Variants in PPFIA2 observed in about 807,000 individuals in gnomAD.
PPFIA2 encodes liprin-alpha-2.
In PPFIA2, 46 loss-of-function variants were observed where a neutral mutation model predicts 175.5. The observed-to-expected ratio is 0.26, with a 90% confidence interval of 0.21 to 0.34. The LOEUF is 0.34. Ranked by LOEUF, PPFIA2 falls within the 10% of genes least tolerant of loss-of-function variation. The pLI is 1.00. For synonymous variants in PPFIA2, 568 were observed against 511.4 expected, an observed-to-expected ratio of 1.11 and a Z score of -1.49; for missense variants, 1,179 against 1,506.1, an observed-to-expected ratio of 0.78 and a Z score of 3.60.
rs556193581 is a variant in PPFIA2 at position 81,446,635 on chromosome 12, G to A, written c.406-915C>T. Among the ~76,000 whole-genome samples, 10 of 152,280 alleles carry A rather than the reference G, an allele frequency of 6.6e-5. No individual in the cohort carries two copies. The East Asian group carries it at 1.9e-3, about 29-fold the overall frequency. Reference sequence around the variant, plus strand: ...AAGGTCTTCGGAAGCATAGTGAAAAGCATAGGCTAACAAGTGGTGTCTACT... The same window carrying A: ...AAGGTCTTCGGAAGCATAGTGAAAAACATAGGCTAACAAGTGGTGTCTACT... On this transcript the variant is annotated intron_variant, in intron 5 of 32. Coordinates refer to ENST00000549396, the MANE Select transcript of PPFIA2 (RefSeq NM_003625.5).
At chr12:81,340,699 G>T (rs529680492) in intron 20 of PPFIA2, among the ~76,000 whole-genome samples, 10 of 152,040 alleles carry the variant, frequency 6.6e-5, no homozygotes, top group Admixed American at 2.6e-4. Flanking sequence ...ATACTTTTCA[G>T]ACTTTAATTA....
At chr12:81,391,308 AGGG>A (rs2040067734) in intron 8 of PPFIA2, among the ~76,000 whole-genome samples, 2 of 151,898 alleles carry the variant, frequency 1.3e-5, no homozygotes, top group African/African-American at 4.8e-5. Context: ...GAGCAAAGGG[AGGG>A]GGATATCCCT....
intron 14 of PPFIA2, among the ~76,000 whole-genome samples, chr12:81,363,085 A>T (rs929489206): frequency 6.6e-6 from 1 of 151,574 alleles, no homozygotes; most frequent in Non-Finnish European, 1.5e-5. Context: ...GCAGAGTAGA[A>T]ATCATATGCA....
intron 22 of PPFIA2, among the ~76,000 whole-genome samples, chr12:81,320,401 T>C (rs1195139569): frequency 1.3e-5 from 2 of 152,098 alleles, no homozygotes; most frequent in East Asian, 3.8e-4. Flanking sequence ...ATGCTGCTGA[T>C]AGCTGAGTCG....
chr12:81,327,778 A>G (rs1050371561), intron 21 of PPFIA2, among the ~76,000 whole-genome samples: 40 of 152,330 alleles, frequency 2.6e-4, no homozygotes, highest in African/African-American at 9.4e-4. Flanking sequence ...TAAAACTTGA[A>G]ATAAAAGCAA....
intron 4 of PPFIA2, among the ~76,000 whole-genome samples, chr12:81,653,587 C>T (rs780515808): frequency 1.8e-4 from 27 of 152,052 alleles, no homozygotes; most frequent in Non-Finnish European, 3.4e-4. Flanking sequence ...TTCTCCTGCA[C>T]CAGTCATTAG....
intron 4 of PPFIA2, among the ~76,000 whole-genome samples, chr12:81,567,862 T>C (rs979322304): frequency 6.6e-6 from 1 of 152,204 alleles, no homozygotes; most frequent in Non-Finnish European, 1.5e-5. Flanking sequence ...TGAACCTCGG[T>C]GGAAAATGTA....
chr12:81,613,626 A>AT (rs1345793997), intron 4 of PPFIA2, among the ~76,000 whole-genome samples: 1 of 152,148 alleles, frequency 6.6e-6, no homozygotes, highest in African/African-American at 2.4e-5. Flanking sequence ...CATAATTTGG[A>AT]TTTTTTAAAT....
intron 22 of PPFIA2, among the ~76,000 whole-genome samples, chr12:81,323,371 C>G (rs2054089662): frequency 6.6e-6 from 1 of 152,108 alleles, no homozygotes; most frequent in Admixed American, 6.6e-5. Context: ...TAGGATAGCA[C>G]AGGTTGCAAC....
chr12:81,527,071 C>T (rs1304373780), intron 4 of PPFIA2, among the ~76,000 whole-genome samples: 2 of 152,070 alleles, frequency 1.3e-5, no homozygotes, highest in Non-Finnish European at 2.9e-5. Context: ...TTGCAAAATC[C>T]ATGCCAATGA....
intron 3 of PPFIA2, among the ~76,000 whole-genome samples, chr12:81,730,737 A>T (rs2080775564): frequency 6.6e-6 from 1 of 151,670 alleles, no homozygotes; most frequent in Non-Finnish European, 1.5e-5. Flanking sequence ...TATATGTTAG[A>T]TAACAAATTA....
Position 81,537,771 on chromosome 12 carries a change from C to T in PPFIA2, c.304-79905G>A, listed in dbSNP as rs370102910. 1.7e-4 allele frequency among the ~76,000 whole-genome samples: 26 copies of T among 151,890 alleles called. No homozygotes were observed. The East Asian group carries it at 1.9e-3, about 11-fold the overall frequency. Reference sequence around the variant, plus strand: ...GGGCCTGACACCATGCCTGGCCTGCCCCATGTCTGACCTCTGCAAATGTTC... The same window carrying T: ...GGGCCTGACACCATGCCTGGCCTGCTCCATGTCTGACCTCTGCAAATGTTC... On this transcript the variant is annotated intron_variant, in intron 4 of 32. Transcript: ENST00000549396.
At chr12:81,558,518 C>T (rs1417519803) in intron 4 of PPFIA2, among the ~76,000 whole-genome samples, 1 of 152,182 alleles carries the variant, frequency 6.6e-6, no homozygotes, top group Admixed American at 6.5e-5. Flanking sequence ...CGTGCTTTCA[C>T]ATGGAATATA....
At chr12:81,411,438 ATATTTT>A (rs2043950975) in intron 7 of PPFIA2, among the ~76,000 whole-genome samples, 1 of 152,028 alleles carries the variant, frequency 6.6e-6, no homozygotes, top group African/African-American at 2.4e-5. Context: ...CAAACACGTT[ATATTTT>A]CAAGCCAATC....
chr12:81,508,261 C>T (rs1366850510), intron 4 of PPFIA2, among the ~76,000 whole-genome samples: 1 of 151,986 alleles, frequency 6.6e-6, no homozygotes, highest in Non-Finnish European at 1.5e-5. Context: ...GTGGGTCACG[C>T]CTGTAATCCC....
intron 19 of PPFIA2, among the ~76,000 whole-genome samples, chr12:81,343,756 C>T (rs1595160442): frequency 6.6e-6 from 1 of 151,980 alleles, no homozygotes; most frequent in Non-Finnish European, 1.5e-5. Flanking sequence ...TTTCCATATT[C>T]CATATTTATT....
chr12:81,449,992 G>C (rs905950826), intron 5 of PPFIA2, among the ~76,000 whole-genome samples: 1 of 152,044 alleles, frequency 6.6e-6, no homozygotes, highest in East Asian at 1.9e-4. Flanking sequence ...TGGCTGCATA[G>C]TATTCCATGG....
chr12:81,533,442 C>A (rs534865960), intron 4 of PPFIA2, among the ~76,000 whole-genome samples: 64 of 151,590 alleles, frequency 4.2e-4, no homozygotes, highest in Non-Finnish European at 8.3e-4. Flanking sequence ...CCTAGAAGAT[C>A]TCAAATTTAT....
intron 4 of PPFIA2, among the ~76,000 whole-genome samples, chr12:81,621,644 T>C (rs7960939): frequency 0.29 from 44,205 of 151,980 alleles, 8,274 homozygotes; most frequent in African/African-American, 0.54. Context: ...ACTCCAAAAA[T>C]ATTTTGAAGG....
Sources: gnomAD v4.1 joint callset for allele counts (sites outside exome capture counted in the v4.1 genomes callset) on GRCh38, gnomAD v4.1.1 for gene constraint, MANE v1.5 for transcripts, NCBI Gene and HGNC (gene_info 2026-07-23, HGNC 2026-07-21) for gene names.